Variants in LCORL observed in about 807,000 individuals in gnomAD.
The protein encoded by LCORL is ligand dependent nuclear receptor corepressor like.
Under a neutral mutation model 141.8 loss-of-function variants are expected in LCORL, and 41 were observed. The ratio of observed to expected loss-of-function variants is 0.29; its 90% CI spans 0.23 to 0.38. The LOEUF (loss-of-function observed/expected upper bound fraction) is 0.38. Among genes scored for constraint, LCORL ranks in the 10% least tolerant of loss-of-function variants. LCORL has a pLI of 1.00. For synonymous variants in LCORL, 618 were observed against 694.1 expected, an observed-to-expected ratio of 0.89 and a Z score of 1.72; for missense variants, 1,759 against 2,035.0, an observed-to-expected ratio of 0.86 and a Z score of 2.61.
intron 4 of LCORL, among the ~76,000 whole-genome samples, chr4:17,948,099 A>C (rs1402481759): frequency 6.6e-6 from 1 of 152,008 alleles, no homozygotes; most frequent in East Asian, 1.9e-4. Flanking sequence ...TTTGTTTTAA[A>C]AGAAAGTGAT....
exon 8 of LCORL, chr4:17,843,169 A>G (rs947781062): frequency 1.8e-5 from 17 of 953,582 alleles, no homozygotes; most frequent in Non-Finnish European, 2.6e-5. Flanking sequence ...TTTTAGTTTT[A>G]AGCTAAGTCA....
chr4:18,011,713 C>T (rs560572498), intron 1 of LCORL, among the ~76,000 whole-genome samples: 54 of 152,256 alleles, frequency 3.5e-4, no homozygotes, highest in African/African-American at 1.1e-3. Context: ...GTTACTGAAA[C>T]GCAGCCATGC....
intron 4 of LCORL, among the ~76,000 whole-genome samples, chr4:17,922,476 G>A (rs979914025): frequency 2.6e-5 from 4 of 152,110 alleles, no homozygotes; most frequent in African/African-American, 7.2e-5. Context: ...TAATGAAGTC[G>A]GTTGGTTGCT....
At chr4:17,949,632 G>A (rs1004119755) in intron 4 of LCORL, among the ~76,000 whole-genome samples, 2 of 152,110 alleles carry the variant, frequency 1.3e-5, no homozygotes, top group African/African-American at 4.8e-5. Flanking sequence ...TGTAAAGCCT[G>A]TATTGGAAAC....
chr4:17,988,052 C>T (rs992516551), intron 1 of LCORL, among the ~76,000 whole-genome samples: 6 of 152,080 alleles, frequency 3.9e-5, no homozygotes, highest in Admixed American at 1.3e-4. Flanking sequence ...TTTATAGGGG[C>T]GGGTCTTTCC....
At chr4:17,852,614 G>T (rs1470539888) in intron 7 of LCORL, among the ~76,000 whole-genome samples, 4 of 152,080 alleles carry the variant, frequency 2.6e-5, no homozygotes, top group African/African-American at 7.2e-5. Context: ...GCAGGTGAGG[G>T]TTGAACAAGG....
Position 18,021,863 on chromosome 4 carries a change from TTGAC to T in LCORL, c.-116_-113del. The T allele has an allele frequency of 8.2e-7, 1 of 1,224,988 alleles. No individual in the cohort carries two copies. The highest frequency in any genetic ancestry group is 1.1e-6 in the Non-Finnish European group (1 of 928,168). 75.9% of individuals were successfully genotyped at this position (1,224,988 alleles called of 1,614,324 possible). ...CGCGCGCCCCCCGGAGGGGGGTTGA[TTGAC>T]ACGTGTCACTACCTTCCCTCTGCCC... On this transcript the variant is annotated 5_prime_UTR_variant, in exon 1 of 8. Coordinates refer to ENST00000635767, the Ensembl canonical transcript of LCORL. This position sits in a 1 kb window ranked among gnomAD's most constrained non-coding sequence, Gnocchi z 5.5.
intron 1 of LCORL, among the ~76,000 whole-genome samples, chr4:18,002,446 G>A (rs1560469203): frequency 6.6e-6 from 1 of 151,276 alleles, no homozygotes; most frequent in Admixed American, 6.6e-5. Flanking sequence ...AAATTTTTTG[G>A]TTTATAACTA....
intron 5 of LCORL, among the ~76,000 whole-genome samples, chr4:17,898,889 T>C (rs1374848368): frequency 6.6e-6 from 1 of 152,188 alleles, no homozygotes; most frequent in Non-Finnish European, 1.5e-5. Context: ...AAATGTAAGA[T>C]ACTGTCAATG....
chr4:17,996,420 C>T (rs13125804), intron 1 of LCORL, among the ~76,000 whole-genome samples: 19,335 of 151,900 alleles, frequency 0.13, 1,367 homozygotes, highest in South Asian at 0.26. Context: ...CACAGAAAAA[C>T]TCTTATAAAA....
intron 4 of LCORL, among the ~76,000 whole-genome samples, chr4:17,956,693 G>A (rs1207839254): frequency 1.3e-5 from 2 of 151,978 alleles, no homozygotes; most frequent in Non-Finnish European, 2.9e-5. Flanking sequence ...AACCTACACA[G>A]TTAGCTAGAA....
rs1266076885 is a variant in LCORL, at chr4:17,994,428, C to G, written c.155-21543G>C. Among the ~76,000 whole-genome samples the G allele has an allele frequency of 2.6e-5, 4 of 152,188 alleles. No homozygotes were observed. In the East Asian group the frequency reaches 7.7e-4, roughly 29 times the overall value. ...AAGCTGTTTAATCAGACACAATACA[C>G]TCCAACCCCCATTTCCATTCCCAAA... is the stretch of plus-strand genomic sequence containing the variant. On this transcript the variant is annotated intron_variant, in intron 1 of 7. Transcript: ENST00000635767.
chr4:17,941,940 G>A (rs1352414714), intron 4 of LCORL, among the ~76,000 whole-genome samples: 1 of 151,212 alleles, frequency 6.6e-6, no homozygotes, highest in Non-Finnish European at 1.5e-5. Flanking sequence ...TTTAGATAAT[G>A]CCTTATTCCT....
intron 5 of LCORL, among the ~76,000 whole-genome samples, chr4:17,890,845 A>C (rs902763424): frequency 6.6e-6 from 1 of 152,116 alleles, no homozygotes; most frequent in Non-Finnish European, 1.5e-5. Flanking sequence ...GTTAAAATTC[A>C]GATTTCAATT....
intron 5 of LCORL, among the ~76,000 whole-genome samples, chr4:17,906,363 T>A (rs1731619678): frequency 6.6e-6 from 1 of 152,176 alleles, no homozygotes; most frequent in East Asian, 1.9e-4. Context: ...CTTCTTTAGC[T>A]TCATCTACCA....
intron 4 of LCORL, among the ~76,000 whole-genome samples, chr4:17,928,051 T>C (rs1463145951): frequency 6.6e-6 from 1 of 152,180 alleles, no homozygotes; most frequent in African/African-American, 2.4e-5. Context: ...TTAAAAAGAA[T>C]TATACACCAC....
intron 4 of LCORL, among the ~76,000 whole-genome samples, chr4:17,924,312 G>A (rs1168253651): frequency 1.3e-5 from 2 of 152,112 alleles, no homozygotes; most frequent in East Asian, 1.9e-4. Flanking sequence ...CCATGTCATC[G>A]CCCAATGGGC....
At chr4:17,877,742 A>G (rs1399635692) in exon 7 of LCORL, 1 of 1,230,534 alleles carries the variant, frequency 8.1e-7, no homozygotes, top group East Asian at 3.2e-5. Context: ...TTGACAAAAG[A>G]GGACTACGAA....
At chr4:18,002,094 T>A (rs1449157148) in intron 1 of LCORL, among the ~76,000 whole-genome samples, 1 of 152,188 alleles carries the variant, frequency 6.6e-6, no homozygotes, top group Non-Finnish European at 1.5e-5. Flanking sequence ...GTAACACTAA[T>A]GTGAAAACAT....
Sources: allele counts gnomAD v4.1 joint callset (sites outside exome capture counted in the v4.1 genomes callset), GRCh38; gene constraint gnomAD v4.1.1; non-coding constraint Gnocchi (gnomAD v3.1); transcripts MANE v1.5; gene names NCBI Gene and HGNC (gene_info 2026-07-23, HGNC 2026-07-21).